FAM240C: variants seen among roughly 807,000 people sequenced by gnomAD.
FAM240C encodes protein FAM240C.
In FAM240C, 14 loss-of-function variants were observed where a neutral mutation model predicts 10.0. The ratio of observed to expected loss-of-function variants is 1.40; its 90% confidence interval spans 0.92 to 2.19. The LOEUF (loss-of-function observed/expected upper bound fraction) is 2.19. Ranked by LOEUF, FAM240C falls within the 30% of genes most tolerant of loss-of-function variation. FAM240C has a pLI of 0.00. For synonymous variants in FAM240C, 49 were observed against 44.3 expected, an observed-to-expected ratio of 1.11 and a Z score of -0.42; for missense variants, 154 against 122.3, an observed-to-expected ratio of 1.26 and a Z score of -1.22.
At chr2:241,898,103 G>A (rs1337877563) in intron 1 of FAM240C, among the ~76,000 whole-genome samples, 1 of 152,188 alleles carries the variant, frequency 6.6e-6, no homozygotes, top group African/African-American at 2.4e-5. Context: ...CCAGCAGTGG[G>A]GTTAAATGTG....
intron 2 of FAM240C, among the ~76,000 whole-genome samples, chr2:241,896,810 TGTGTGGGTGTGGGG>T (rs1701848034): frequency 1.0e-3 from 2 of 1,980 alleles, no homozygotes; most frequent in Non-Finnish European, 1.9e-3. Context: ...GGGGTGTGGG[TGTGTGGGTGTGGGG>T]GTGTGGGTGT....
chr2:241,896,498 GT>G (rs1701808879), intron 2 of FAM240C, among the ~76,000 whole-genome samples: 1 of 97,946 alleles, frequency 1.0e-5, no homozygotes, highest in Non-Finnish European at 2.5e-5. Flanking sequence ...GGGGGTGTGG[GT>G]GAAGGGGGTG....
chr2:241,902,138 C>A (rs954475285), upstream of FAM240C, among the ~76,000 whole-genome samples: 1 of 152,124 alleles, frequency 6.6e-6, no homozygotes, highest in African/African-American at 2.4e-5. This position sits in a 1 kb window ranked among gnomAD's most constrained non-coding sequence, Gnocchi z 7.1. Flanking sequence ...GAGGCGTTTG[C>A]GTTTCTTCCT....
upstream of FAM240C, among the ~76,000 whole-genome samples, chr2:241,901,444 C>A (rs1391771526): frequency 6.6e-6 from 1 of 152,128 alleles, no homozygotes; most frequent in Non-Finnish European, 1.5e-5. The surrounding 1 kb of genome is among the most constrained non-coding windows in gnomAD (Gnocchi z 4.9). Context: ...ATAAAGCAGA[C>A]GGTACACTTA....
chr2:241,896,598 TGAAGGG>T (rs1701817743), intron 2 of FAM240C, among the ~76,000 whole-genome samples: 16 of 88,970 alleles, frequency 1.8e-4, no homozygotes, highest in South Asian at 7.7e-4. Context: ...GGGGTGTGGG[TGAAGGG>T]GTGTGGGTGT....
chr2:241,896,587 T>C (rs62191178), intron 2 of FAM240C, among the ~76,000 whole-genome samples: 1 of 5,614 alleles, frequency 1.8e-4, no homozygotes, highest in Admixed American at 2.2e-3. Flanking sequence ...GTGTGGGTGT[T>C]GGGGTGTGGG....
rs536396811 is a variant in FAM240C at position 241,899,519 on chromosome 2, C to T, written c.12+839G>A. ...GGGCCCAGCTGCTTCCCCGGAACTT[C>T]GCACCTCCTCTGGTGTCTGGGCAGA... On this transcript the variant is annotated intron_variant, in intron 1 of 2. Coordinates refer to ENST00000404031, the MANE Select transcript of FAM240C (RefSeq NM_001382368.1). 4.1e-4 allele frequency among the ~76,000 whole-genome samples: 62 copies of T among 152,334 alleles called. No individual in the cohort carries two copies. In the Middle Eastern group the frequency reaches 0.014, roughly 33 times the overall value.
At chr2:241,901,475 A>G (rs979731950), upstream of FAM240C, among the ~76,000 whole-genome samples, 5 of 150,920 alleles carry the variant, frequency 3.3e-5, no homozygotes, top group African/African-American at 1.2e-4. The surrounding 1 kb of genome is among the most constrained non-coding windows in gnomAD (Gnocchi z 4.9). Flanking sequence ...TATCCTTCAC[A>G]GTTGTTTTTT....
At chr2:241,896,153 T>C (rs953582334) in intron 2 of FAM240C, among the ~76,000 whole-genome samples, 1 of 152,138 alleles carries the variant, frequency 6.6e-6, no homozygotes, top group South Asian at 2.1e-4. Context: ...GAGGGCTGCC[T>C]GGAGCCTCTG....
chr2:241,902,038 C>G (rs925761232), upstream of FAM240C, among the ~76,000 whole-genome samples: 1 of 152,206 alleles, frequency 6.6e-6, no homozygotes, highest in Non-Finnish European at 1.5e-5. This position sits in a 1 kb window ranked among gnomAD's most constrained non-coding sequence, Gnocchi z 7.1. Context: ...TCTGATCTCC[C>G]CGTGTTTCGG....
At chr2:241,897,163 A>G in intron 2 of FAM240C, 23 bp downstream of exon 2, 1 of 1,548,318 alleles carries the variant, frequency 6.5e-7, no homozygotes, top group East Asian at 2.4e-5. Context: ...GGGGTCCCCG[A>G]TGCACTGCAC....
intron 2 of FAM240C, among the ~76,000 whole-genome samples, chr2:241,895,967 G>C (rs1701788770): frequency 6.6e-6 from 1 of 152,148 alleles, no homozygotes; most frequent in East Asian, 1.9e-4. Flanking sequence ...CGGTGGTGGG[G>C]GGGGGCCTCT....
chr2:241,894,593 T>G (rs1294987472), intron 2 of FAM240C, among the ~76,000 whole-genome samples: 1 of 112,588 alleles, frequency 8.9e-6, no homozygotes, highest in Non-Finnish European at 1.9e-5. Flanking sequence ...GGGGGGCGTC[T>G]CACTCAGGAC....
At chr2:241,901,303 G>A (rs147506112), upstream of FAM240C, among the ~76,000 whole-genome samples, 546 of 152,280 alleles carry the variant, frequency 3.6e-3, 2 homozygotes, top group African/African-American at 0.012. The surrounding 1 kb of genome is among the most constrained non-coding windows in gnomAD (Gnocchi z 4.9). Flanking sequence ...TCAGGGAGCC[G>A]GCAGCAGGGC....
At chr2:241,896,571 G>GA (rs1701815539) in intron 2 of FAM240C, among the ~76,000 whole-genome samples, 1 of 127,180 alleles carries the variant, frequency 7.9e-6, no homozygotes, top group African/African-American at 2.9e-5. Context: ...GGGTGTGGGT[G>GA]TGGGGGTGTG....
At chr2:241,897,098 A>G in intron 2 of FAM240C, 88 bp downstream of exon 2, 5 of 1,425,344 alleles carry the variant, frequency 3.5e-6, no homozygotes, top group South Asian at 1.3e-5. Flanking sequence ...GGGCTGTGTC[A>G]GGGCACACTG....
At chr2:241,896,501 A>T (rs7606612) in intron 2 of FAM240C, among the ~76,000 whole-genome samples, 1,770 of 9,836 alleles carry the variant, frequency 0.18, 37 homozygotes, top group African/African-American at 0.29. Context: ...GGTGTGGGTG[A>T]AGGGGGTGTG....
rs144782864 is a variant in FAM240C at position 241,898,016 on chromosome 2, T to C, written c.13-682A>G. Among the ~76,000 whole-genome samples, 1,071 of 152,298 alleles carry C rather than the reference T, an allele frequency of 7.0e-3. 17 individuals are homozygous for C. The highest frequency in any genetic ancestry group is 0.024 in the African/African-American group (1,007 of 41,566). ...TCCCAAAGTGCTGGGACTACAGGTG[T>C]GAGCCAGCGTGCCCAGCTCAGTTGG... is the stretch of plus-strand genomic sequence containing the variant. On this transcript the variant is annotated intron_variant, in intron 1 of 2. Transcript: ENST00000404031.
At chr2:241,900,666 C>T (rs1379551721), upstream of FAM240C, among the ~76,000 whole-genome samples, 1 of 152,110 alleles carries the variant, frequency 6.6e-6, no homozygotes. The surrounding 1 kb of genome is among the most constrained non-coding windows in gnomAD (Gnocchi z 4.5). Flanking sequence ...GACGGCTGCT[C>T]CCAGGAAACC....
Sources: gnomAD v4.1 joint callset for allele counts (sites outside exome capture counted in the v4.1 genomes callset) on GRCh38, gnomAD v4.1.1 for gene constraint, Gnocchi (gnomAD v3.1) non-coding constraint, MANE v1.5 for transcripts, NCBI Gene and HGNC (gene_info 2026-07-23, HGNC 2026-07-21) for gene names.